CEP128: variants seen among roughly 807,000 people sequenced by gnomAD.
CEP128 encodes centrosomal protein 128kDa.
In CEP128, 132 loss-of-function variants were observed where a neutral mutation model predicts 156.7. The observed-to-expected ratio is 0.84, with a 90% CI of 0.73 to 0.97. The LOEUF is 0.97. CEP128 is among the 50% of genes least tolerant of loss of function. CEP128 has a pLI of 0.00. For missense variants in CEP128, 1,252 were observed against 1,281.9 expected (o/e 0.98, Z 0.36); for synonymous variants, 469 against 448.9 (o/e 1.04, Z -0.57).
chr14:80,879,811 T>C (rs1360540615), intron 8 of CEP128, among the ~76,000 whole-genome samples: 1 of 146,088 alleles, frequency 6.8e-6, no homozygotes, highest in East Asian at 1.9e-4. Flanking sequence ...GATACAGATA[T>C]CCAGATCTAC....
At chr14:80,951,507 C>T (rs542121198) in intron 2 of CEP128, among the ~76,000 whole-genome samples, 1 of 152,040 alleles carries the variant, frequency 6.6e-6, no homozygotes, top group East Asian at 1.9e-4. Context: ...GTATAATAAC[C>T]AGAGTTATAG....
intron 5 of CEP128, chr14:80,905,724 G>T: frequency 1.4e-5 from 5 of 350,788 alleles, no homozygotes; most frequent in South Asian, 4.3e-5. Flanking sequence ...TTTTTGTCAG[G>T]TAAAGCTCTA....
At chr14:80,668,684 T>C (rs1330572891) in intron 19 of CEP128, among the ~76,000 whole-genome samples, 1 of 152,088 alleles carries the variant, frequency 6.6e-6, no homozygotes, top group Non-Finnish European at 1.5e-5. Context: ...AAATTTTGAG[T>C]TCTCAGATCC....
In CEP128 at chr14:80,527,429, T is replaced by TA. The variant is rs368392939; in HGVS notation, c.2959-448dup. Among the ~76,000 whole-genome samples, 792 of 126,214 alleles carry TA rather than the reference T, an allele frequency of 6.3e-3. 8 individuals carry two copies. Among genetic ancestry groups the TA allele is most frequent in the African/African-American group, 0.021 (687 of 32,298 alleles). The allele number at this position is 126,214 out of a possible 152,430, so 82.8% of individuals were successfully genotyped here. On this transcript the variant is annotated intron_variant, in intron 22 of 24. Transcript: ENST00000555265. ...CTGGGTGAAAGAGCAAGGCTCTGTC[T>TA]AAAAAAAAAAAAAAAAAGAACAAGA...
At chr14:80,766,261 C>T (rs1900234188) in intron 16 of CEP128, among the ~76,000 whole-genome samples, 1 of 152,070 alleles carries the variant, frequency 6.6e-6, no homozygotes, top group Non-Finnish European at 1.5e-5. Flanking sequence ...TATTTTAGGA[C>T]AAGAAAGGCT....
intron 24 of CEP128, among the ~76,000 whole-genome samples, chr14:80,501,967 A>G (rs1887757659): frequency 6.6e-6 from 1 of 152,070 alleles, no homozygotes; most frequent in African/African-American, 2.4e-5. Context: ...CCTGGCGAAA[A>G]CCCAACAACC....
chr14:80,912,978 T>A (rs189518289), intron 4 of CEP128, among the ~76,000 whole-genome samples: 8 of 152,312 alleles, frequency 5.3e-5, no homozygotes, highest in Admixed American at 5.2e-4. Flanking sequence ...TCCAAGAGTT[T>A]ACAGGACAGG....
chr14:80,933,413 T>C (rs1885595924), intron 2 of CEP128, among the ~76,000 whole-genome samples: 3 of 152,200 alleles, frequency 2.0e-5, no homozygotes. Context: ...CAGGGGATTC[T>C]TTAGAGTCAT....
chr14:80,599,843 A>G (rs960726366), intron 19 of CEP128, among the ~76,000 whole-genome samples: 4 of 152,208 alleles, frequency 2.6e-5, no homozygotes, highest in Non-Finnish European at 5.9e-5. Flanking sequence ...AGATCTAAAA[A>G]ATAACCAAGT....
chr14:80,800,074 C>G (rs1053026095), intron 13 of CEP128, among the ~76,000 whole-genome samples: 1 of 152,060 alleles, frequency 6.6e-6, no homozygotes, highest in African/African-American at 2.4e-5. Flanking sequence ...CTTTTGAAAC[C>G]CTTAATAAAA....
chr14:80,892,173 T>C (rs1889133610), intron 8 of CEP128, among the ~76,000 whole-genome samples: 1 of 151,790 alleles, frequency 6.6e-6, no homozygotes, highest in South Asian at 2.1e-4. Flanking sequence ...AACAAAGCTA[T>C]AGTAATCAAA....
At chr14:80,926,415 A>G (rs965637893) in intron 2 of CEP128, among the ~76,000 whole-genome samples, 3 of 152,136 alleles carry the variant, frequency 2.0e-5, no homozygotes, top group African/African-American at 7.2e-5. Flanking sequence ...TCTTCTGTGC[A>G]GCAGACGTAG....
intron 8 of CEP128, among the ~76,000 whole-genome samples, chr14:80,893,570 C>A (rs547695634): frequency 4.8e-4 from 72 of 151,194 alleles, no homozygotes; most frequent in African/African-American, 1.6e-3. Context: ...ATGTAATAAT[C>A]TTTATACTAT....
chr14:80,499,237 C>T (rs1050166171), intron 24 of CEP128, among the ~76,000 whole-genome samples: 3 of 152,128 alleles, frequency 2.0e-5, no homozygotes, highest in Non-Finnish European at 4.4e-5. Context: ...CACAGTTAGC[C>T]GGGTAGACCT....
chr14:80,478,808 C>G (rs1390097424), intron 14 of CEP128, among the ~76,000 whole-genome samples: 2 of 152,206 alleles, frequency 1.3e-5, no homozygotes. Context: ...ATATCTCTTT[C>G]TATGTATCTG....
At position 80,764,823 on chromosome 14, in the gene CEP128, C is replaced by T. The variant is rs185593119; in HGVS notation, c.2377-3210G>A. 2.6e-5 allele frequency among the ~76,000 whole-genome samples: 4 copies of T among 152,316 alleles called. No individual in the cohort carries two copies. In the East Asian group the frequency reaches 7.7e-4, roughly 29 times the overall value. ...AACTAAACAAACAAATCCTTCACCCCCACTAAGGCTTCTAAACTTCCAGGT... is the reference window on the plus strand; with the variant it reads ...AACTAAACAAACAAATCCTTCACCCTCACTAAGGCTTCTAAACTTCCAGGT... On this transcript the variant is annotated intron_variant, in intron 16 of 24. Transcript: ENST00000555265.
chr14:80,847,261 C>T (rs568986293), intron 9 of CEP128, among the ~76,000 whole-genome samples: 7 of 152,250 alleles, frequency 4.6e-5, no homozygotes, highest in East Asian at 3.9e-4. Flanking sequence ...CTCAGACCTG[C>T]ATGTTTCAAG....
chr14:80,888,331 A>T (rs1888912898), intron 8 of CEP128, among the ~76,000 whole-genome samples: 1 of 152,204 alleles, frequency 6.6e-6, no homozygotes, highest in Non-Finnish European at 1.5e-5. Context: ...CAACAAAAAA[A>T]GAAAATTTCA....
intron 19 of CEP128, among the ~76,000 whole-genome samples, chr14:80,685,683 G>A (rs1896497928): frequency 6.6e-6 from 1 of 152,090 alleles, no homozygotes; most frequent in Non-Finnish European, 1.5e-5. Flanking sequence ...CAAAGCTGGA[G>A]ATAGCACATC....
Sources: gnomAD v4.1 joint callset for allele counts (sites outside exome capture counted in the v4.1 genomes callset) on GRCh38, gnomAD v4.1.1 for gene constraint, MANE v1.5 for transcripts, NCBI Gene and HGNC (gene_info 2026-07-23, HGNC 2026-07-21) for gene names.